The following MYO3B variants were observed in gnomAD, a reference collection of about 807,000 sequenced individuals.
MYO3B encodes myosin-IIIb.
MYO3B carries 156 observed loss-of-function variants against 174.6 expected under a neutral mutation model. The observed-to-expected ratio is 0.89, with a 90% CI of 0.78 to 1.02. The LOEUF is 1.02. Ranked by LOEUF, MYO3B falls within the 50% of genes least tolerant of loss-of-function variation. The pLI is 0.00. For missense variants in MYO3B, 1,632 were observed against 1,639.4 expected, an observed-to-expected ratio of 1.00 and a Z score of 0.08; for synonymous variants, 563 against 569.1, an observed-to-expected ratio of 0.99 and a Z score of 0.15.
At chr2:170,518,086 C>T (rs1688435932) in intron 29 of MYO3B, among the ~76,000 whole-genome samples, 1 of 151,834 alleles carries the variant, frequency 6.6e-6, no homozygotes, top group African/African-American at 2.4e-5. Flanking sequence ...ATAACAACAA[C>T]AACAAATCTT....
intron 32 of MYO3B, among the ~76,000 whole-genome samples, chr2:170,647,584 A>C (rs1698482785): frequency 6.6e-6 from 1 of 152,222 alleles, no homozygotes; most frequent in East Asian, 1.9e-4. Context: ...AATTAAACTT[A>C]AAATAATGAA....
intron 25 of MYO3B, among the ~76,000 whole-genome samples, chr2:170,489,990 C>CTAT (rs1686353192): frequency 6.6e-6 from 1 of 150,450 alleles, no homozygotes; most frequent in African/African-American, 2.4e-5. Context: ...CATTAAAATG[C>CTAT]TATTACAAAT....
In MYO3B at chr2:170,653,415, T is replaced by C. The variant is rs1220696984; in HGVS notation, c.*294T>C. The C allele has an allele frequency of 2.8e-6, 1 of 358,328 alleles. No individual in the cohort carries two copies. Among genetic ancestry groups the C allele is most frequent in the Non-Finnish European group, 5.1e-6 (1 of 196,724 alleles). 22.2% of individuals were successfully genotyped at this position (358,328 alleles called of 1,614,324 possible). A position where few individuals can be genotyped will look rare whatever the true frequency, so the allele number is the denominator to read the frequency against. The stretch of plus-strand genomic sequence containing the variant: ...TTTAAACAGTCATTCATGCCCCCAG[T>C]GTCTAGGAAGATAACAGCCAGTCTC... On this transcript the variant is annotated 3_prime_UTR_variant, in exon 35 of 35. Coordinates refer to ENST00000408978, the MANE Select transcript of MYO3B (RefSeq NM_138995.5).
At chr2:170,365,531 C>T (rs1366375499) in intron 8 of MYO3B, among the ~76,000 whole-genome samples, 2 of 152,090 alleles carry the variant, frequency 1.3e-5, no homozygotes, top group Admixed American at 6.5e-5. Flanking sequence ...TATCCAGTAA[C>T]GCAGGACTTT....
At chr2:170,219,014 C>A (rs1277403533) in intron 6 of MYO3B, among the ~76,000 whole-genome samples, 1 of 152,202 alleles carries the variant, frequency 6.6e-6, no homozygotes, top group African/African-American at 2.4e-5. Flanking sequence ...TAGTGAACAG[C>A]AGGTGACTCT....
intron 30 of MYO3B, among the ~76,000 whole-genome samples, chr2:170,528,701 C>T (rs1225410607): frequency 6.6e-6 from 1 of 152,184 alleles, no homozygotes; most frequent in Non-Finnish European, 1.5e-5. Context: ...AAACTGTGCC[C>T]AGCCTCAAGG....
chr2:170,324,001 G>A (rs2093847398), intron 7 of MYO3B, among the ~76,000 whole-genome samples: 2 of 152,178 alleles, frequency 1.3e-5, no homozygotes, highest in Admixed American at 6.5e-5. Flanking sequence ...AGAAAAAGGA[G>A]TTCCCCTTTT....
At chr2:170,522,737 T>C (rs905957644) in intron 30 of MYO3B, among the ~76,000 whole-genome samples, 1 of 152,202 alleles carries the variant, frequency 6.6e-6, no homozygotes, top group Admixed American at 6.5e-5. Context: ...TGCACCTTCC[T>C]CTCTTCTCTC....
chr2:170,606,914 G>A (rs1321903472), intron 32 of MYO3B, among the ~76,000 whole-genome samples: 1 of 152,146 alleles, frequency 6.6e-6, no homozygotes, highest in Non-Finnish European at 1.5e-5. Context: ...CAGCTACTGG[G>A]GAGGCTGAGG....
rs541674875 is a variant in MYO3B, at chr2:170,257,861, C to G, written c.749+21725C>G. Reference sequence around the variant, plus strand: ...AGGAAAGAGAGAAGACTCAAATAAACACAATCAGAAGTGACAGAGGTAACA... The same window carrying G: ...AGGAAAGAGAGAAGACTCAAATAAAGACAATCAGAAGTGACAGAGGTAACA... On this transcript the variant is annotated intron_variant, in intron 7 of 34. Transcript: ENST00000408978. Among the ~76,000 whole-genome samples, 3 of 152,108 alleles carry G rather than the reference C, an allele frequency of 2.0e-5. No homozygotes were observed. The East Asian group carries it at 5.8e-4, about 29-fold the overall frequency.
At chr2:170,307,656 C>G (rs138270186) in intron 7 of MYO3B, among the ~76,000 whole-genome samples, 13 of 152,226 alleles carry the variant, frequency 8.5e-5, no homozygotes, top group African/African-American at 3.1e-4. Context: ...AATTCAAAGG[C>G]AAGCTGGTGG....
At chr2:170,550,601 A>T (rs1241503720) in intron 32 of MYO3B, among the ~76,000 whole-genome samples, 1 of 152,196 alleles carries the variant, frequency 6.6e-6, no homozygotes, top group African/African-American at 2.4e-5. Flanking sequence ...ACAAACATTT[A>T]TTGAGCACCT....
intron 30 of MYO3B, among the ~76,000 whole-genome samples, chr2:170,541,918 A>G (rs1389782598): frequency 2.6e-5 from 4 of 152,184 alleles, no homozygotes; most frequent in Non-Finnish European, 5.9e-5. Context: ...TATAATATAT[A>G]TTTTGAAGGT....
At position 170,464,524 on chromosome 2, in the gene MYO3B, T is replaced by C. The variant is rs534973174; in HGVS notation, c.2808+1079T>C. On this transcript the variant is annotated intron_variant, in intron 24 of 34. Coordinates refer to ENST00000408978, the MANE Select transcript of MYO3B (RefSeq NM_138995.5). The stretch of plus-strand genomic sequence containing the variant: ...AAGGGCAGGACTTGGGAGCCAGCAC[T>C]CTGGATAGAAGGCTCCATGGAAAGC... Among the ~76,000 whole-genome samples, 212 of 152,160 alleles carry C rather than the reference T, an allele frequency of 1.4e-3. 2 individuals carry two copies. The Middle Eastern group carries it at 0.037, about 27-fold the overall frequency.
rs559415487 is a variant in MYO3B, at chr2:170,322,810, C to G, written c.750-12575C>G. On this transcript the variant is annotated intron_variant, in intron 7 of 34. Coordinates refer to ENST00000408978, the MANE Select transcript of MYO3B (RefSeq NM_138995.5). ...TCTGGTGATCCAGGCTCAGATTGCT[C>G]TAAGGAACTGTACAGCCTTCCTACC... Among the ~76,000 whole-genome samples, 12 of 152,234 alleles carry G rather than the reference C, an allele frequency of 7.9e-5. No individual in the cohort carries two copies. In the Middle Eastern group the frequency reaches 0.014, roughly 173 times the overall value.
At chr2:170,278,695 C>T (rs557331444) in intron 7 of MYO3B, among the ~76,000 whole-genome samples, 43 of 152,038 alleles carry the variant, frequency 2.8e-4, no homozygotes, top group Non-Finnish European at 5.6e-4. Flanking sequence ...TACCAAACAT[C>T]AGAACTTATC....
intron 3 of MYO3B, among the ~76,000 whole-genome samples, chr2:170,210,554 A>G (rs1438785397): frequency 6.6e-6 from 1 of 152,228 alleles, no homozygotes; most frequent in Non-Finnish European, 1.5e-5. Context: ...TCCTTCCAAC[A>G]TAATTAAGGG....
chr2:170,541,708 C>T (rs75695347), intron 30 of MYO3B, among the ~76,000 whole-genome samples: 2,619 of 152,142 alleles, frequency 0.017, 63 homozygotes, highest in East Asian at 0.089. Context: ...TCAATATTTA[C>T]TGAGCATTTT....
chr2:170,182,043 C>A (rs992477944), intron 1 of MYO3B, among the ~76,000 whole-genome samples: 1 of 151,924 alleles, frequency 6.6e-6, no homozygotes, highest in Non-Finnish European at 1.5e-5. Context: ...TGTATATACT[C>A]TTGATAGAAA....
Sources: gnomAD v4.1 joint callset for allele counts (sites outside exome capture counted in the v4.1 genomes callset) on GRCh38, gnomAD v4.1.1 for gene constraint, MANE v1.5 for transcripts, NCBI Gene and HGNC (gene_info 2026-07-23, HGNC 2026-07-21) for gene names.